The following SEMA3E variants were observed in gnomAD, a reference collection of about 807,000 sequenced individuals.
SEMA3E encodes the protein semaphorin-3E.
In SEMA3E, 49 loss-of-function variants were observed where a neutral mutation model predicts 93.6. That is an observed-to-expected ratio of 0.52 (90% confidence interval 0.42 to 0.66). The LOEUF (loss-of-function observed/expected upper bound fraction) is 0.66. Ranked by LOEUF, SEMA3E falls within the 30% of genes least tolerant of loss-of-function variation. The pLI is 0.00. For missense variants in SEMA3E, 906 were observed against 964.8 expected, an observed-to-expected ratio of 0.94 and a Z score of 0.81; for synonymous variants, 363 against 330.7, an observed-to-expected ratio of 1.10 and a Z score of -1.06.
chr7:83,593,697 A>G (rs1416823730), intron 1 of SEMA3E, among the ~76,000 whole-genome samples: 1 of 151,918 alleles, frequency 6.6e-6, no homozygotes, highest in African/African-American at 2.4e-5. Context: ...TTTTAAACAG[A>G]CTGAATTTGG....
intron 10 of SEMA3E, among the ~76,000 whole-genome samples, chr7:83,402,082 C>A (rs1447290512): frequency 2.0e-5 from 3 of 151,962 alleles, no homozygotes; most frequent in Non-Finnish European, 4.4e-5. Context: ...ATTGGCATTT[C>A]TTTCCTAAGG....
intron 16 of SEMA3E, among the ~76,000 whole-genome samples, chr7:83,382,547 T>C (rs1226565870): frequency 6.6e-6 from 1 of 151,992 alleles, no homozygotes; most frequent in Non-Finnish European, 1.5e-5. Flanking sequence ...TACATATAAA[T>C]AATAGCCTCA....
intron 9 of SEMA3E, among the ~76,000 whole-genome samples, chr7:83,404,844 T>A (rs905124757): frequency 2.6e-5 from 4 of 151,970 alleles, no homozygotes; most frequent in African/African-American, 9.7e-5. Context: ...TGGCAATTGG[T>A]AAGTATTGGA....
intron 1 of SEMA3E, among the ~76,000 whole-genome samples, chr7:83,526,381 G>GA (rs955892069): frequency 7.9e-5 from 12 of 151,150 alleles, no homozygotes; most frequent in East Asian, 1.9e-4. Context: ...CTACTTCAAA[G>GA]AAAAAAAAAT....
At chr7:83,415,865 T>C (rs1182858064) in intron 5 of SEMA3E, among the ~76,000 whole-genome samples, 3 of 152,062 alleles carry the variant, frequency 2.0e-5, no homozygotes, top group African/African-American at 7.2e-5. Flanking sequence ...GTAGCAATAA[T>C]CTAACGATAG....
chr7:83,627,411 G>A (rs1215236719), intron 1 of SEMA3E, among the ~76,000 whole-genome samples: 6 of 151,980 alleles, frequency 3.9e-5, no homozygotes, highest in East Asian at 3.9e-4. Context: ...TATATATTTA[G>A]GATAGTTAGT....
chr7:83,613,431 T>C (rs780802644), intron 1 of SEMA3E, among the ~76,000 whole-genome samples: 14 of 152,100 alleles, frequency 9.2e-5, no homozygotes, highest in Non-Finnish European at 1.5e-4. Flanking sequence ...CAAAACAATG[T>C]GAAATGACTA....
chr7:83,607,233 C>A (rs1562852787), intron 1 of SEMA3E, among the ~76,000 whole-genome samples: 1 of 152,208 alleles, frequency 6.6e-6, no homozygotes, highest in Non-Finnish European at 1.5e-5. Flanking sequence ...CACATGACAA[C>A]AGATAATGTG....
At position 83,363,895 on chromosome 7, in the gene SEMA3E, T is replaced by C. The variant is rs1794624548; in HGVS notation, c.*3691A>G. ...TTTTTTTTTTTTTTTTTTTTTTTTT[T>C]TTTTTTTTTTGAGACGGAGTCTCGC... On this transcript the variant is annotated 3_prime_UTR_variant, in exon 17 of 17. Coordinates refer to ENST00000643230, the MANE Select transcript of SEMA3E (RefSeq NM_012431.3). The C allele has an allele frequency of 5.3e-5, 2 of 37,568 alleles. No individual in the cohort carries two copies. Among genetic ancestry groups the C allele is most frequent in the Admixed American group, 4.8e-4 (1 of 2,094 alleles). 2.3% of individuals were successfully genotyped at this position (37,568 alleles called of 1,614,324 possible).
intron 1 of SEMA3E, among the ~76,000 whole-genome samples, chr7:83,597,753 T>A (rs215320): frequency 0.023 from 3,429 of 152,274 alleles, 127 homozygotes; most frequent in African/African-American, 0.078. Context: ...AAATGTTCTA[T>A]GTAGGCAGTC....
Position 83,416,042 on chromosome 7 carries a change from A to G in SEMA3E, c.550+2348T>C, listed in dbSNP as rs1223702790. Among the ~76,000 whole-genome samples the G allele has an allele frequency of 5.9e-5, 9 of 151,924 alleles. No individual in the cohort carries two copies. The East Asian group carries it at 1.5e-3, about 26-fold the overall frequency. On this transcript the variant is annotated intron_variant, in intron 5 of 16. Transcript: ENST00000643230. ...AGCCCACATTCCTGCTGCTTTTTCA[A>G]TTGGGTGAATTATTTTCACTTCCTC...
Position 83,648,832 on chromosome 7 carries a change from T to C in SEMA3E, c.-290A>G. The C allele has an allele frequency of 7.9e-6, 3 of 379,200 alleles. No homozygotes were observed. The East Asian group carries it at 1.4e-4, about 18-fold the overall frequency. The allele number at this position is 379,200 out of a possible 1,614,324, so 23.5% of individuals were successfully genotyped here. A position where few individuals can be genotyped will look rare whatever the true frequency, so the allele number is the denominator to read the frequency against. ...GCTCTTCAGCAACTACGCCGGTAGA[T>C]TCAGGAAGAAGCTGTATTTTTCAGT... On this transcript the variant is annotated 5_prime_UTR_variant, in exon 1 of 17. Coordinates refer to ENST00000643230, the MANE Select transcript of SEMA3E (RefSeq NM_012431.3).
intron 1 of SEMA3E, among the ~76,000 whole-genome samples, chr7:83,598,605 A>T (rs1177948673): frequency 6.6e-6 from 1 of 152,178 alleles, no homozygotes; most frequent in Non-Finnish European, 1.5e-5. Flanking sequence ...CTTTGGAAGC[A>T]TGCTGTGTTA....
At chr7:83,474,411 C>A (rs906384874) in intron 2 of SEMA3E, among the ~76,000 whole-genome samples, 1 of 152,096 alleles carries the variant, frequency 6.6e-6, no homozygotes, top group African/African-American at 2.4e-5. Flanking sequence ...GTGCAATGAG[C>A]CCCAAGCAGT....
intron 1 of SEMA3E, among the ~76,000 whole-genome samples, chr7:83,561,282 T>A (rs1380361051): frequency 1.3e-5 from 2 of 152,124 alleles, no homozygotes; most frequent in African/African-American, 2.4e-5. Context: ...TTCCACAAAA[T>A]AATACTTGAG....
chr7:83,538,841 C>T (rs1293125684), intron 1 of SEMA3E, among the ~76,000 whole-genome samples: 3 of 152,176 alleles, frequency 2.0e-5, no homozygotes, highest in African/African-American at 7.2e-5. Flanking sequence ...GGAGCCATCT[C>T]ATCTGCTGAA....
intron 15 of SEMA3E, among the ~76,000 whole-genome samples, 170 bp from the exon 16 acceptor site, chr7:83,385,603 T>A (rs536541645): frequency 2.1e-4 from 32 of 152,170 alleles, no homozygotes; most frequent in Non-Finnish European, 4.6e-4. Context: ...TACCAAAATT[T>A]AGGCATGAAA....
At chr7:83,508,503 C>G (rs771760660) in intron 1 of SEMA3E, among the ~76,000 whole-genome samples, 1 of 152,100 alleles carries the variant, frequency 6.6e-6, no homozygotes, top group Non-Finnish European at 1.5e-5. Flanking sequence ...CTCAGGTGAT[C>G]TGCCCACCTC....
chr7:83,434,085 G>A (rs1234552328), intron 4 of SEMA3E, among the ~76,000 whole-genome samples: 4 of 151,674 alleles, frequency 2.6e-5, no homozygotes, highest in Non-Finnish European at 4.4e-5. Flanking sequence ...ACTTTTCATG[G>A]CAAAACCTGC....
Sources: gnomAD v4.1 joint callset for allele counts (sites outside exome capture counted in the v4.1 genomes callset) on GRCh38, gnomAD v4.1.1 for gene constraint, MANE v1.5 for transcripts, NCBI Gene and HGNC (gene_info 2026-07-23, HGNC 2026-07-21) for gene names.